Variants in GRAMD2A observed in about 807,000 individuals in gnomAD.
GRAMD2A encodes GRAM domain-containing protein 2A.
In GRAMD2A, 37 loss-of-function variants were observed where a neutral mutation model predicts 51.1. That is an observed-to-expected ratio of 0.72 (90% CI 0.56 to 0.95). The LOEUF (loss-of-function observed/expected upper bound fraction) is 0.95. Ranked by LOEUF, GRAMD2A falls within the 40% of genes least tolerant of loss-of-function variation. The pLI is 0.00. For synonymous variants in GRAMD2A, 136 were observed against 157.1 expected, an observed-to-expected ratio of 0.87 and a Z score of 1.01; for missense variants, 414 against 426.9, an observed-to-expected ratio of 0.97 and a Z score of 0.27.
At chr15:72,178,575 T>C (rs964082236) in intron 1 of GRAMD2A, among the ~76,000 whole-genome samples, 6 of 134,850 alleles carry the variant, frequency 4.4e-5, no homozygotes. Context: ...TTTCTTTTTT[T>C]TTTTTTTTTT....
At chr15:72,184,220 C>T (rs547655380) in intron 1 of GRAMD2A, among the ~76,000 whole-genome samples, 65 of 152,396 alleles carry the variant, frequency 4.3e-4, no homozygotes, top group African/African-American at 1.4e-3. Context: ...CTCCACCCCT[C>T]GGCTAGCACA....
At chr15:72,190,358 G>A (rs1036166404) in intron 1 of GRAMD2A, among the ~76,000 whole-genome samples, 1 of 152,088 alleles carries the variant, frequency 6.6e-6, no homozygotes, top group Admixed American at 6.6e-5. Flanking sequence ...CAGCCTGGGC[G>A]ACAGAGTGAG....
At chr15:72,184,416 T>A (rs1374316673) in intron 1 of GRAMD2A, among the ~76,000 whole-genome samples, 1 of 152,200 alleles carries the variant, frequency 6.6e-6, no homozygotes, top group Non-Finnish European at 1.5e-5. Flanking sequence ...AGCCAGAGCT[T>A]GCGCAGGCCG....
chr15:72,169,605 C>G, intron 2 of GRAMD2A: 1 of 684,740 alleles, frequency 1.5e-6, no homozygotes, highest in Non-Finnish European at 2.7e-6. Context: ...CAGGTTGGCC[C>G]AGAGCACAGG....
rs966902231 is a variant in GRAMD2A, at chr15:72,170,379, G to A, written c.42-440C>T. On this transcript the variant is annotated intron_variant, in intron 1 of 11. Coordinates refer to ENST00000309731, the MANE Select transcript of GRAMD2A (RefSeq NM_001012642.3). The surrounding 1 kb of genome is among the most constrained non-coding windows in gnomAD (Gnocchi z 4.5). ...TAAACCATCAGGTTCCGGGAAAGTA[G>A]GCTGAGCACAGGAGGCCTTATCAAA... 2.2e-6 allele frequency: 1 copy of A among 456,564 alleles called. No homozygotes were observed. The highest frequency in any genetic ancestry group is 2.0e-5 in the African/African-American group (1 of 50,098). 28.3% of individuals were successfully genotyped at this position (456,564 alleles called of 1,614,324 possible). A position where few individuals can be genotyped will look rare whatever the true frequency, so the allele number is the denominator to read the frequency against.
chr15:72,191,853 A>C (rs926221970), intron 1 of GRAMD2A, among the ~76,000 whole-genome samples: 1 of 152,196 alleles, frequency 6.6e-6, no homozygotes, highest in Non-Finnish European at 1.5e-5. Flanking sequence ...GAAAAGAGGA[A>C]ACCATAGACT....
chr15:72,183,190 T>G (rs922320791), intron 1 of GRAMD2A, among the ~76,000 whole-genome samples: 14 of 151,992 alleles, frequency 9.2e-5, no homozygotes, highest in East Asian at 1.9e-4. Context: ...TTTTGTTGTT[T>G]TTTTTTTTCT....
intron 1 of GRAMD2A, among the ~76,000 whole-genome samples, chr15:72,194,375 GA>G (rs2140563017): frequency 6.6e-6 from 1 of 152,342 alleles, no homozygotes; most frequent in Admixed American, 6.5e-5. Flanking sequence ...AAGGAAATTG[GA>G]GGGATTTTGG....
At position 72,167,840 on chromosome 15, in the gene GRAMD2A, C is replaced by A. The variant is rs758523871; in HGVS notation, c.269-1G>T. 4 of 1,609,808 alleles carry A rather than the reference C, an allele frequency of 2.5e-6. No individual in the cohort carries two copies. The highest frequency in any genetic ancestry group is 8.5e-7 in the Non-Finnish European group (1 of 1,176,276). ...TCCCTCTGGAGGGCACAGGAACACA[C>A]TAGGATGTCACAGGAGAGAAAATGG... On this transcript the variant is annotated splice_acceptor_variant, in intron 4 of 11. Coordinates refer to ENST00000309731, the MANE Select transcript of GRAMD2A (RefSeq NM_001012642.3). LOFTEE classifies it high-confidence loss of function.
In GRAMD2A at chr15:72,161,826, A is replaced by G. The variant is rs2081478809; in HGVS notation, c.*183T>C. 1 of 638,132 alleles carries G rather than the reference A, an allele frequency of 1.6e-6. No individual in the cohort carries two copies. The highest frequency in any genetic ancestry group is 2.9e-5 in the Admixed American group (1 of 34,382). The allele number at this position is 638,132 out of a possible 1,614,324, so 39.5% of individuals were successfully genotyped here. A position where few individuals can be genotyped will look rare whatever the true frequency, so the allele number is the denominator to read the frequency against. ...TGTAGAAGCCAGTTACTTTGTAAACACGTACTTCAGATCTCTCATAGAGGG... is the reference window on the plus strand; with the variant it reads ...TGTAGAAGCCAGTTACTTTGTAAACGCGTACTTCAGATCTCTCATAGAGGG... On this transcript the variant is annotated 3_prime_UTR_variant, in exon 12 of 12. Coordinates refer to ENST00000309731, the MANE Select transcript of GRAMD2A (RefSeq NM_001012642.3).
At chr15:72,182,384 A>AATT (rs1347462296) in intron 1 of GRAMD2A, among the ~76,000 whole-genome samples, 50 of 151,466 alleles carry the variant, frequency 3.3e-4, no homozygotes, top group Middle Eastern at 3.4e-3. Context: ...AAAAAAAAAA[A>AATT]ACCCAAAATT....
intron 8 of GRAMD2A, among the ~76,000 whole-genome samples, chr15:72,164,955 G>A (rs764692221): frequency 2.2e-4 from 34 of 152,250 alleles, no homozygotes; most frequent in African/African-American, 7.7e-4. Context: ...CTTGGCCAAC[G>A]TGGTGAAACC....
At chr15:72,169,199 C>T (rs920602278) in intron 2 of GRAMD2A, 9 of 601,268 alleles carry the variant, frequency 1.5e-5, no homozygotes, top group Admixed American at 5.4e-5. Context: ...GAGGGCACTG[C>T]GGGAGGTAGA....
At chr15:72,173,583 A>G (rs1282672661) in intron 1 of GRAMD2A, 1 of 152,198 alleles carries the variant, frequency 6.6e-6, no homozygotes, top group East Asian at 1.9e-4. Context: ...TCCTGCCTTC[A>G]GACCAGGCTC....
chr15:72,186,576 G>A (rs934599232), intron 1 of GRAMD2A, among the ~76,000 whole-genome samples: 2 of 152,078 alleles, frequency 1.3e-5, no homozygotes, highest in African/African-American at 4.8e-5. Context: ...GTCTGCCTTG[G>A]CCTCCCAAAG....
In GRAMD2A at chr15:72,172,307, C is replaced by CACAGAGGTTTGTCACATTTCACAG. The variant is rs1596687156; in HGVS notation, c.42-2369_42-2368insCTGTGAAATGTGACAAACCTCTGT. On this transcript the variant is annotated intron_variant, in intron 1 of 11. Transcript: ENST00000309731. Reference sequence around the variant, plus strand: ...CTAAGGTTTTCATTTTTTTTGTAGACAGCGGGGGTCTCACTGTGTTGTCCA... The same window carrying CACAGAGGTTTGTCACATTTCACAG: ...CTAAGGTTTTCATTTTTTTTGTAGACACAGAGGTTTGTCACATTTCACAGAGCGGGGGTCTCACTGTGTTGTCCA... Among the ~76,000 whole-genome samples the CACAGAGGTTTGTCACATTTCACAG allele has an allele frequency of 2.0e-5, 3 of 151,810 alleles. No homozygotes were observed. The East Asian group carries it at 5.8e-4, about 29-fold the overall frequency.
chr15:72,189,322 C>T (rs1046839521), intron 1 of GRAMD2A, among the ~76,000 whole-genome samples: 1 of 152,168 alleles, frequency 6.6e-6, no homozygotes, highest in Non-Finnish European at 1.5e-5. Flanking sequence ...AAAAATCACA[C>T]AAGACTAAAT....
In GRAMD2A at chr15:72,170,614, G is replaced by A. The variant is rs192306670; in HGVS notation, c.42-675C>T. Among the ~76,000 whole-genome samples, 7 of 152,258 alleles carry A rather than the reference G, an allele frequency of 4.6e-5. No individual in the cohort carries two copies. Among genetic ancestry groups the A allele is most frequent in the African/African-American group, 1.4e-4 (6 of 41,554 alleles). On this transcript the variant is annotated intron_variant, in intron 1 of 11. Transcript: ENST00000309731. The surrounding 1 kb of genome is among the most constrained non-coding windows in gnomAD (Gnocchi z 4.5). ...GAACAGATCCTCTCTCCCTGGGCAG[G>A]TCGGGCTCTCCAATGGCCTTTGAGT...
intron 1 of GRAMD2A, among the ~76,000 whole-genome samples, chr15:72,175,357 T>C (rs940767513): frequency 1.3e-5 from 2 of 152,032 alleles, no homozygotes; most frequent in Non-Finnish European, 2.9e-5. Context: ...GGGGCCCGGG[T>C]CTGATCCTGC....
Sources: allele counts gnomAD v4.1 joint callset (sites outside exome capture counted in the v4.1 genomes callset), GRCh38; gene constraint gnomAD v4.1.1; non-coding constraint Gnocchi (gnomAD v3.1); transcripts MANE v1.5; gene names NCBI Gene and HGNC (gene_info 2026-07-23, HGNC 2026-07-21).